Variants in MECOM observed in about 807,000 individuals in gnomAD.
MECOM encodes the protein histone-lysine N-methyltransferase MECOM.
MECOM carries 13 observed loss-of-function variants against 116.3 expected under a neutral mutation model. The observed-to-expected ratio is 0.11, with a 90% confidence interval of 0.07 to 0.18. The LOEUF (loss-of-function observed/expected upper bound fraction) is 0.18. Ranked by LOEUF, MECOM falls within the 10% of genes least tolerant of loss-of-function variation. MECOM has a pLI of 1.00. For missense variants in MECOM, 1,299 were observed against 1,509.0 expected (o/e 0.86, Z 2.31); for synonymous variants, 528 against 535.2 (o/e 0.99, Z 0.19).
chr3:169,568,361 G>A (rs977149348), intron 1 of MECOM, among the ~76,000 whole-genome samples: 13 of 151,896 alleles, frequency 8.6e-5, no homozygotes, highest in African/African-American at 1.7e-4. Context: ...TGGAACCTCC[G>A]AGACAGAACT....
Position 169,663,524 on chromosome 3 carries a change from C to G in MECOM, c.-152G>C, listed in dbSNP as rs1776613416. ...TCTCTCTCTCTCTCTCTCTCTCTCT[C>G]TCTCTCCCTCCCTCCTGTTTCTCTC... On this transcript the variant is annotated 5_prime_UTR_variant, in exon 1 of 17. Coordinates refer to ENST00000651503, the MANE Select transcript of MECOM (RefSeq NM_004991.4). 1 of 644,442 alleles carries G rather than the reference C, an allele frequency of 1.6e-6. No individual in the cohort carries two copies. The highest frequency in any genetic ancestry group is 2.7e-6 in the Non-Finnish European group (1 of 366,558). 39.9% of individuals were successfully genotyped at this position (644,442 alleles called of 1,614,324 possible). A position where few individuals can be genotyped will look rare whatever the true frequency, so the allele number is the denominator to read the frequency against.
At chr3:169,360,432 T>C (rs186979673) in intron 2 of MECOM, among the ~76,000 whole-genome samples, 19 of 151,398 alleles carry the variant, frequency 1.3e-4, no homozygotes, top group African/African-American at 4.3e-4. Flanking sequence ...CTGTAATAGA[T>C]TTTCTGTAGA....
chr3:169,497,802 T>A (rs1018129087), intron 1 of MECOM, among the ~76,000 whole-genome samples: 1 of 152,236 alleles, frequency 6.6e-6, no homozygotes, highest in Non-Finnish European at 1.5e-5. Flanking sequence ...ATAAAGTCAA[T>A]GTGTTTGTTG....
intron 2 of MECOM, among the ~76,000 whole-genome samples, chr3:169,258,609 G>T (rs1027338681): frequency 6.6e-6 from 1 of 152,116 alleles, no homozygotes; most frequent in Non-Finnish European, 1.5e-5. Context: ...TGTCATTGTT[G>T]TTAGTTAGCA....
rs1051187115 is a variant in MECOM, at chr3:169,611,573, G to T, written c.37+51763C>A. Among the ~76,000 whole-genome samples, 3 of 152,176 alleles carry T rather than the reference G, an allele frequency of 2.0e-5. No individual in the cohort carries two copies. The highest frequency in any genetic ancestry group is 7.2e-5 in the African/African-American group (3 of 41,448). ...AGTAGCATACAAACAATGGCAAAAA[G>T]AATATTAACATGTCCTGTTTCCATT... On this transcript the variant is annotated intron_variant, in intron 1 of 16. Coordinates refer to ENST00000651503, the MANE Select transcript of MECOM (RefSeq NM_004991.4). This position sits in a 1 kb window ranked among gnomAD's most constrained non-coding sequence, Gnocchi z 4.1.
rs1296757584 is a variant in MECOM at position 169,541,780 on chromosome 3, G to A, written c.37+121556C>T. Among the ~76,000 whole-genome samples, 4 of 130,540 alleles carry A rather than the reference G, an allele frequency of 3.1e-5. No individual in the cohort carries two copies. In the South Asian group the frequency reaches 9.7e-4, roughly 32 times the overall value. 85.6% of individuals were successfully genotyped at this position (130,540 alleles called of 152,430 possible). On this transcript the variant is annotated intron_variant, in intron 1 of 16. Coordinates refer to ENST00000651503, the MANE Select transcript of MECOM (RefSeq NM_004991.4). The stretch of plus-strand genomic sequence containing the variant: ...CTCTTATCAGCCCAGCATCCTCTGT[G>A]CTCTTGACAGTAGCCTGCAAAGACT...
intron 1 of MECOM, among the ~76,000 whole-genome samples, chr3:169,612,824 T>A (rs7618897): frequency 0.48 from 72,766 of 151,952 alleles, 17,553 homozygotes; most frequent in East Asian, 0.58. Flanking sequence ...CCATTAGCAC[T>A]GTCCTATACA....
chr3:169,265,304 T>G lies in MECOM; in HGVS notation c.375+115883A>C, dbSNP rs1451057453. ...GATGTGGCAGGCAGGCATGATGGAATGCAGACAGAGGACCGACCTTGCTGT... is the reference window on the plus strand; with the variant it reads ...GATGTGGCAGGCAGGCATGATGGAAGGCAGACAGAGGACCGACCTTGCTGT... On this transcript the variant is annotated intron_variant, in intron 2 of 16. Transcript: ENST00000651503. Among the ~76,000 whole-genome samples, 4 of 152,176 alleles carry G rather than the reference T, an allele frequency of 2.6e-5. No homozygotes were observed. In the East Asian group the frequency reaches 7.7e-4, roughly 29 times the overall value.
intron 9 of MECOM, among the ~76,000 whole-genome samples, chr3:169,109,954 C>T (rs1726787781): frequency 6.6e-6 from 1 of 151,948 alleles, no homozygotes; most frequent in South Asian, 2.1e-4. Context: ...CTTTCTTTTC[C>T]CTAAAACATT....
intron 1 of MECOM, among the ~76,000 whole-genome samples, chr3:169,495,891 A>T (rs2108945846): frequency 6.6e-6 from 1 of 151,858 alleles, no homozygotes; most frequent in South Asian, 2.1e-4. Context: ...AGATAATAAT[A>T]GAGCTGTGTC....
chr3:169,638,122 T>C (rs968328148), intron 1 of MECOM, among the ~76,000 whole-genome samples: 1 of 152,242 alleles, frequency 6.6e-6, no homozygotes, highest in African/African-American at 2.4e-5. Context: ...AAAATTCTTA[T>C]GTAGTAGATA....
At chr3:169,281,740 A>T (rs1712059859) in intron 2 of MECOM, among the ~76,000 whole-genome samples, 1 of 152,202 alleles carries the variant, frequency 6.6e-6, no homozygotes, top group Non-Finnish European at 1.5e-5. Context: ...TGAGCCCAGG[A>T]GGTTGATGCT....
intron 1 of MECOM, among the ~76,000 whole-genome samples, chr3:169,421,680 G>C (rs189664376): frequency 2.0e-5 from 3 of 146,556 alleles, no homozygotes; most frequent in Non-Finnish European, 4.5e-5. Context: ...TAGCATGTTT[G>C]TTTTTTTAAA....
rs71166260 is a variant in MECOM at position 169,663,474 on chromosome 3, GTCTCTCTCTCTCTCTCTCTCTC to G, written c.-124_-103del. 4.4e-4 allele frequency: 251 copies of G among 569,394 alleles called. No individual in the cohort carries two copies. The highest frequency in any genetic ancestry group is 1.6e-3 in the South Asian group (50 of 32,066). 35.3% of individuals were successfully genotyped at this position (569,394 alleles called of 1,614,324 possible). A position where few individuals can be genotyped will look rare whatever the true frequency, so the allele number is the denominator to read the frequency against. Reference sequence around the variant, plus strand: ...CTCTCGCTCCCTCCCTCTCTCTCCTGTCTCTCTCTCTCTCTCTCTCTCTCTCTCTCTCTCTCTCTCTCTCTCT... The same window carrying G: ...CTCTCGCTCCCTCCCTCTCTCTCCTGTCTCTCTCTCTCTCTCTCTCTCTCT... On this transcript the variant is annotated 5_prime_UTR_variant, in exon 1 of 17. Transcript: ENST00000651503.
chr3:169,492,815 C>T (rs1753257349), intron 1 of MECOM, among the ~76,000 whole-genome samples: 1 of 152,040 alleles, frequency 6.6e-6, no homozygotes, highest in Non-Finnish European at 1.5e-5. Context: ...CAAAAATTAG[C>T]CAGGCGTGGT....
intron 2 of MECOM, among the ~76,000 whole-genome samples, chr3:169,203,341 T>C (rs547082798): frequency 1.3e-5 from 2 of 152,226 alleles, no homozygotes; most frequent in East Asian, 1.9e-4. Context: ...ACGTGGTATT[T>C]ATGTTTAAAT....
chr3:169,187,062 G>T (rs780845968), intron 2 of MECOM, among the ~76,000 whole-genome samples: 1 of 152,118 alleles, frequency 6.6e-6, no homozygotes, highest in African/African-American at 2.4e-5. Flanking sequence ...TTTATTTACT[G>T]TTAGGTCTTA....
At chr3:169,387,005 T>C (rs1474259379) in intron 1 of MECOM, among the ~76,000 whole-genome samples, 1 of 152,228 alleles carries the variant, frequency 6.6e-6, no homozygotes, top group African/African-American at 2.4e-5. Context: ...GTCTGTCTTA[T>C]TAATGATAAA....
intron 1 of MECOM, among the ~76,000 whole-genome samples, chr3:169,487,628 G>A (rs946865728): frequency 1.3e-5 from 2 of 151,304 alleles, no homozygotes; most frequent in African/African-American, 4.9e-5. Flanking sequence ...CAGAAAGCAG[G>A]GCAAATACAA....
Sources: gnomAD v4.1 joint callset for allele counts (sites outside exome capture counted in the v4.1 genomes callset) on GRCh38, gnomAD v4.1.1 for gene constraint, Gnocchi (gnomAD v3.1) non-coding constraint, MANE v1.5 for transcripts, NCBI Gene and HGNC (gene_info 2026-07-23, HGNC 2026-07-21) for gene names.